The following DACH1 variants were observed in gnomAD, a reference collection of about 807,000 sequenced individuals.
The protein encoded by DACH1 is dachshund family transcription factor 1, also known as dachshund homolog 1.
A neutral mutation model predicts 54.2 loss-of-function variants in DACH1; 12 were observed. That is an observed-to-expected ratio of 0.22 (90% CI 0.14 to 0.36). The LOEUF is 0.36. Among genes scored for constraint, DACH1 ranks in the 10% least tolerant of loss-of-function variants. DACH1 has a pLI of 1.00. For missense variants in DACH1, 805 were observed against 929.8 expected (o/e 0.87, Z 1.75); for synonymous variants, 386 against 366.2 (o/e 1.05, Z -0.62).
chr13:71,564,326 C>T (rs1311927258), intron 4 of DACH1, among the ~76,000 whole-genome samples: 9 of 151,832 alleles, frequency 5.9e-5, no homozygotes, highest in South Asian at 4.2e-4. Flanking sequence ...ACAGAGAGAA[C>T]GAATATTTAA....
intron 2 of DACH1, among the ~76,000 whole-genome samples, chr13:71,665,825 T>C (rs1221740857): frequency 1.3e-5 from 2 of 152,126 alleles, no homozygotes; most frequent in Non-Finnish European, 2.9e-5. Flanking sequence ...ACAAGATTTA[T>C]AATTATTTAT....
intron 1 of DACH1, among the ~76,000 whole-genome samples, chr13:71,812,453 A>G (rs1887749188): frequency 1.3e-5 from 2 of 151,010 alleles, no homozygotes; most frequent in African/African-American, 4.8e-5. Context: ...CCTTTATTCC[A>G]AAATTTTATG....
intron 2 of DACH1, among the ~76,000 whole-genome samples, chr13:71,645,033 C>T (rs1053783754): frequency 2.0e-5 from 3 of 152,014 alleles, no homozygotes; most frequent in Non-Finnish European, 4.4e-5. Flanking sequence ...CACGGTGTTT[C>T]GAAAAATGTG....
intron 1 of DACH1, among the ~76,000 whole-genome samples, chr13:71,855,718 G>T (rs1170676544): frequency 6.6e-6 from 1 of 151,950 alleles, no homozygotes; most frequent in Non-Finnish European, 1.5e-5. Flanking sequence ...TGGAAACCCT[G>T]TCAGGTGGTC....
intron 6 of DACH1, among the ~76,000 whole-genome samples, chr13:71,502,655 C>A (rs1408337895): frequency 6.6e-6 from 1 of 152,170 alleles, no homozygotes; most frequent in African/African-American, 2.4e-5. Context: ...TGCAATTAAA[C>A]CTTGGATAAT....
intron 3 of DACH1, among the ~76,000 whole-genome samples, chr13:71,599,777 TA>T (rs1215497456): frequency 1.3e-5 from 2 of 151,858 alleles, no homozygotes; most frequent in Non-Finnish European, 2.9e-5. Context: ...TACATGTATA[TA>T]AAAAGACTTT....
At chr13:71,641,499 G>T (rs954836011) in intron 2 of DACH1, among the ~76,000 whole-genome samples, 1 of 152,058 alleles carries the variant, frequency 6.6e-6, no homozygotes, top group South Asian at 2.1e-4. Context: ...TTCCTCATCT[G>T]GTTACAAAGA....
Position 71,846,807 on chromosome 13 carries a change from C to T in DACH1, c.848+19115G>A, listed in dbSNP as rs1203136071. 2.6e-5 allele frequency among the ~76,000 whole-genome samples: 4 copies of T among 152,312 alleles called. No homozygotes were observed. In the East Asian group the frequency reaches 7.7e-4, roughly 29 times the overall value. On this transcript the variant is annotated intron_variant, in intron 1 of 10. Coordinates refer to ENST00000613252, the MANE Select transcript of DACH1 (RefSeq NM_080759.6). ...CTGCTCTGATCTTTAGTGCCCTCAT[C>T]TTTGAAACTAATAGTTAGAACCTAT...
At chr13:71,580,784 T>C (rs1206295242) in intron 3 of DACH1, among the ~76,000 whole-genome samples, 2 of 152,170 alleles carry the variant, frequency 1.3e-5, no homozygotes, top group Non-Finnish European at 2.9e-5. Flanking sequence ...CCACTTTATC[T>C]GCTCATCTCT....
intron 2 of DACH1, among the ~76,000 whole-genome samples, chr13:71,660,030 G>T (rs1879388483): frequency 6.6e-6 from 1 of 152,068 alleles, no homozygotes; most frequent in South Asian, 2.1e-4. Context: ...TAATATTTTG[G>T]TCAACCATGA....
intron 1 of DACH1, among the ~76,000 whole-genome samples, chr13:71,847,933 T>C (rs996474347): frequency 6.6e-6 from 1 of 152,222 alleles, no homozygotes. Flanking sequence ...TCAAATTTAT[T>C]TTCAAAACGG....
At chr13:71,541,412 G>T (rs1000867317) in intron 6 of DACH1, among the ~76,000 whole-genome samples, 2 of 151,924 alleles carry the variant, frequency 1.3e-5, no homozygotes, top group South Asian at 2.1e-4. Flanking sequence ...GGCATAGTTT[G>T]CCTTAATATT....
chr13:71,479,365 T>C lies in DACH1; in HGVS notation c.1723-49A>G, dbSNP rs775696552. Reference sequence around the variant, plus strand: ...TGGTAATATTTTAATACAAAGCAAATTTCGTTCATTACTTAAAAGCATTTT... The same window carrying C: ...TGGTAATATTTTAATACAAAGCAAACTTCGTTCATTACTTAAAAGCATTTT... On this transcript the variant is annotated intron_variant, in intron 7 of 10. Coordinates refer to ENST00000613252, the MANE Select transcript of DACH1 (RefSeq NM_080759.6). 7 of 1,564,128 alleles carry C rather than the reference T, an allele frequency of 4.5e-6. No homozygotes were observed. In the South Asian group the frequency reaches 8.4e-5, roughly 19 times the overall value.
chr13:71,507,115 A>G (rs1228396132), intron 6 of DACH1, among the ~76,000 whole-genome samples: 3 of 151,924 alleles, frequency 2.0e-5, no homozygotes, highest in Non-Finnish European at 4.4e-5. Flanking sequence ...CAGAGTGAAC[A>G]GGCAACCTAC....
At chr13:71,556,431 T>C (rs900395747) in intron 6 of DACH1, among the ~76,000 whole-genome samples, 1 of 152,126 alleles carries the variant, frequency 6.6e-6, no homozygotes, top group African/African-American at 2.4e-5. Context: ...GACTAAAATA[T>C]TTTAATTTTT....
At chr13:71,504,528 G>T (rs1258847379) in intron 6 of DACH1, among the ~76,000 whole-genome samples, 2 of 152,098 alleles carry the variant, frequency 1.3e-5, no homozygotes. Flanking sequence ...ACTGAGGAAA[G>T]GCAGCGTGGA....
At chr13:71,494,330 G>A (rs1041047830) in intron 6 of DACH1, among the ~76,000 whole-genome samples, 34 of 151,544 alleles carry the variant, frequency 2.2e-4, no homozygotes, top group African/African-American at 8.2e-4. Flanking sequence ...ATTTTACAAT[G>A]GTATAAAACC....
rs757532786 is a variant in DACH1 at position 71,711,521 on chromosome 13, T to C, written c.849-29611A>G. On this transcript the variant is annotated intron_variant, in intron 1 of 10. Coordinates refer to ENST00000613252, the MANE Select transcript of DACH1 (RefSeq NM_080759.6). ...TCAAGCAGTCCTTTTTATTCAGAAG[T>C]GATCATCAGCAATGTTAAACATTCT... is the stretch of plus-strand genomic sequence containing the variant. Among the ~76,000 whole-genome samples the C allele has an allele frequency of 2.3e-4, 35 of 152,258 alleles. 1 individual carries two copies. The highest frequency in any genetic ancestry group is 8.3e-4 in the South Asian group (4 of 4,832).
At chr13:71,816,568 G>GTA (rs1330914179) in intron 1 of DACH1, among the ~76,000 whole-genome samples, 69 of 143,272 alleles carry the variant, frequency 4.8e-4, no homozygotes, top group African/African-American at 1.3e-3. Flanking sequence ...ATATATGTGT[G>GTA]TATATATATA....
Sources: allele counts gnomAD v4.1 joint callset (sites outside exome capture counted in the v4.1 genomes callset), GRCh38; gene constraint gnomAD v4.1.1; transcripts MANE v1.5; gene names NCBI Gene and HGNC (gene_info 2026-07-23, HGNC 2026-07-21).